MAGI2: variants seen among roughly 807,000 people sequenced by gnomAD.
MAGI2 encodes membrane associated guanylate kinase, WW and PDZ domain containing 2.
MAGI2 carries 35 observed loss-of-function variants against 133.3 expected under a neutral mutation model. That is an observed-to-expected ratio of 0.26 (90% confidence interval 0.20 to 0.35). The LOEUF is 0.35. Among genes scored for constraint, MAGI2 ranks in the 10% least tolerant of loss-of-function variants. MAGI2 has a pLI of 1.00. For missense variants in MAGI2, 1,636 were observed against 1,863.4 expected (o/e 0.88, Z 2.25); for synonymous variants, 729 against 710.6 (o/e 1.03, Z -0.41).
chr7:78,195,046 C>G lies in MAGI2; in HGVS notation c.2097G>C (p.Glu699Asp). 1 of 1,609,206 alleles carries G rather than the reference C, an allele frequency of 6.2e-7. No homozygotes were observed. ...KTPKPIMDRW[E>D]NQGSPQTSLS... Reference sequence around the variant, plus strand: ...AACTCGTTTGAGGACTGCCTTGATTCTCCCATCGGTCCATTATCTGAAAAG... The same window carrying G: ...AACTCGTTTGAGGACTGCCTTGATTGTCCCATCGGTCCATTATCTGAAAAG... Residue 699 changes from glutamate (E) to aspartate (D), a missense_variant, in exon 12 of 22, where the codon GAG becomes GAC. Physicochemically the swap from Glu to Asp is conservative, Grantham distance 45. Around this residue, in one of 5 missense-constraint regions of MAGI2, gnomAD observed 920 missense variants for 1,093.5 expected, o/e 0.84. Coordinates refer to ENST00000354212, the MANE Select transcript of MAGI2 (RefSeq NM_012301.4).
intron 16 of MAGI2, among the ~76,000 whole-genome samples, chr7:78,136,254 G>A (rs1822117857): frequency 6.6e-6 from 1 of 151,966 alleles, no homozygotes; most frequent in African/African-American, 2.4e-5. Flanking sequence ...CGAGTAGCTG[G>A]GACTACAGGC....
intron 6 of MAGI2, among the ~76,000 whole-genome samples, chr7:78,376,483 A>C (rs1222956782): frequency 6.6e-6 from 1 of 152,152 alleles, no homozygotes; most frequent in East Asian, 1.9e-4. Flanking sequence ...AAGTAGAGTT[A>C]ACCTGAGTAC....
intron 9 of MAGI2, among the ~76,000 whole-genome samples, chr7:78,292,423 G>A (rs1796812165): frequency 6.6e-6 from 1 of 152,044 alleles, no homozygotes; most frequent in Admixed American, 6.6e-5. Context: ...ACTGCTCAAT[G>A]AAATAAAAGA....
chr7:78,892,648 A>T (rs575098736), intron 2 of MAGI2, among the ~76,000 whole-genome samples: 1 of 152,348 alleles, frequency 6.6e-6, no homozygotes, highest in East Asian at 1.9e-4. Flanking sequence ...CTATTTAATA[A>T]ATGGTGCTGG....
At chr7:79,349,009 T>C (rs910874252) in intron 1 of MAGI2, among the ~76,000 whole-genome samples, 2 of 151,942 alleles carry the variant, frequency 1.3e-5, no homozygotes, top group Non-Finnish European at 2.9e-5. Flanking sequence ...AAAAAAGACA[T>C]CTCTGTTATG....
At chr7:78,579,426 T>G (rs1214125816) in intron 3 of MAGI2, among the ~76,000 whole-genome samples, 2 of 152,172 alleles carry the variant, frequency 1.3e-5, no homozygotes, top group Non-Finnish European at 2.9e-5. Context: ...GCTCTTTGCC[T>G]TCCATTTACC....
chr7:78,170,349 T>C (rs1456949687), intron 14 of MAGI2: 3 of 152,196 alleles, frequency 2.0e-5, no homozygotes, highest in Admixed American at 2.0e-4. Context: ...ACTCTCAACA[T>C]TACAGTGTGT....
chr7:78,889,877 A>G (rs940951224), intron 2 of MAGI2, among the ~76,000 whole-genome samples: 1 of 152,226 alleles, frequency 6.6e-6, no homozygotes, highest in African/African-American at 2.4e-5. Context: ...CACACATAAC[A>G]ATATTAGCCT....
rs1410514538 is a variant in MAGI2, at chr7:79,113,189, A to G, written c.302-105983T>C. Reference sequence around the variant, plus strand: ...AAGTATTTGTCAGTATCACTTCCTCAGGGCTGTCATCCTTTTTGTCACTTC... The same window carrying G: ...AAGTATTTGTCAGTATCACTTCCTCGGGGCTGTCATCCTTTTTGTCACTTC... On this transcript the variant is annotated intron_variant, in intron 1 of 21. Coordinates refer to ENST00000354212, the MANE Select transcript of MAGI2 (RefSeq NM_012301.4). Among the ~76,000 whole-genome samples the G allele has an allele frequency of 3.3e-5, 5 of 152,156 alleles. No homozygotes were observed. In the South Asian group the frequency reaches 1.0e-3, roughly 32 times the overall value.
intron 1 of MAGI2, among the ~76,000 whole-genome samples, chr7:79,196,849 C>G (rs1436110928): frequency 6.6e-5 from 10 of 151,894 alleles, no homozygotes; most frequent in Non-Finnish European, 4.4e-5. Context: ...CTTACTGCAG[C>G]CTTGATCTCC....
chr7:79,065,950 C>A (rs1584835566), intron 1 of MAGI2, among the ~76,000 whole-genome samples: 1 of 152,104 alleles, frequency 6.6e-6, no homozygotes, highest in Admixed American at 6.6e-5. Context: ...TTTCTTTATC[C>A]AGTCTATTAT....
intron 2 of MAGI2, among the ~76,000 whole-genome samples, chr7:78,650,328 CA>C (rs1190742196): frequency 2.6e-5 from 4 of 152,148 alleles, no homozygotes; most frequent in African/African-American, 4.8e-5. Flanking sequence ...CCTGAACTTC[CA>C]GTCCAGGGGA....
chr7:79,010,728 C>G (rs1363901995), intron 1 of MAGI2, among the ~76,000 whole-genome samples: 1 of 152,000 alleles, frequency 6.6e-6, no homozygotes, highest in Non-Finnish European at 1.5e-5. Flanking sequence ...ATCAGTGGCT[C>G]TTACTTGCCA....
At chr7:79,176,251 C>G (rs1005326913) in intron 1 of MAGI2, among the ~76,000 whole-genome samples, 1 of 151,858 alleles carries the variant, frequency 6.6e-6, no homozygotes, top group Non-Finnish European at 1.5e-5. Flanking sequence ...GCCTTGCTTA[C>G]AGTCAGTCCC....
chr7:79,185,903 G>C lies in MAGI2; in HGVS notation c.302-178697C>G, dbSNP rs1210492862. 2.0e-5 allele frequency among the ~76,000 whole-genome samples: 3 copies of C among 151,678 alleles called. No homozygotes were observed. In the East Asian group the frequency reaches 5.8e-4, roughly 29 times the overall value. ...AGGCCTAAGGTCATAGCAACAACTT[G>C]TTGCTGACACATCAGCAACTTGTAC... On this transcript the variant is annotated intron_variant, in intron 1 of 21. Coordinates refer to ENST00000354212, the MANE Select transcript of MAGI2 (RefSeq NM_012301.4).
chr7:79,062,377 C>A (rs1304722818), intron 1 of MAGI2, among the ~76,000 whole-genome samples: 2 of 152,122 alleles, frequency 1.3e-5, no homozygotes, highest in African/African-American at 4.8e-5. Flanking sequence ...AACATATGAA[C>A]ATTACAGTGA....
At chr7:78,079,347 T>C (rs1208293869) in intron 20 of MAGI2, among the ~76,000 whole-genome samples, 4 of 152,230 alleles carry the variant, frequency 2.6e-5, no homozygotes, top group Admixed American at 6.5e-5. Flanking sequence ...TTACTTATTA[T>C]GACAGAGACT....
At chr7:79,084,053 G>T (rs1015058508) in intron 1 of MAGI2, among the ~76,000 whole-genome samples, 2 of 151,322 alleles carry the variant, frequency 1.3e-5, no homozygotes, top group African/African-American at 2.4e-5. Flanking sequence ...TTCTTTCTTA[G>T]TCAGTTTACT....
chr7:78,104,729 A>G (rs1002088550), intron 20 of MAGI2, among the ~76,000 whole-genome samples: 22 of 152,100 alleles, frequency 1.4e-4, no homozygotes, highest in African/African-American at 5.3e-4. Context: ...CTCATGTTTC[A>G]AGAACCAGTT....
Sources: allele counts gnomAD v4.1 joint callset (sites outside exome capture counted in the v4.1 genomes callset), GRCh38; gene constraint gnomAD v4.1.1; regional missense constraint gnomAD v4.1.1; transcripts MANE v1.5; gene names NCBI Gene and HGNC (gene_info 2026-07-23, HGNC 2026-07-21).